Variants in ADA2 observed in about 807,000 individuals in gnomAD.
ADA2 encodes adenosine deaminase 2.
ADA2 carries 29 observed loss-of-function variants against 44.2 expected under a neutral mutation model. That is an observed-to-expected ratio of 0.66 (90% confidence interval 0.49 to 0.89). ADA2 has a LOEUF of 0.89. Ranked by LOEUF, ADA2 falls within the 40% of genes least tolerant of loss-of-function variation. ADA2 has a pLI of 0.00. For missense variants in ADA2, 637 were observed against 644.8 expected, an observed-to-expected ratio of 0.99 and a Z score of 0.13; for synonymous variants, 215 against 234.9, an observed-to-expected ratio of 0.92 and a Z score of 0.77.
In ADA2 at chr22:17,207,102, G is replaced by A. The variant is rs115986203; in HGVS notation, c.511C>T (p.Arg171Trp). 8.5e-4 allele frequency: 1,374 copies of A among 1,614,156 alleles called. 14 individuals are homozygous for A. The African/African-American group carries it at 0.016, about 19-fold the overall frequency. Residue 171 changes from arginine to tryptophan, a missense_variant, in exon 3 of 10, where the codon CGG becomes TGG. Coordinates refer to ENST00000399837, the MANE Select transcript of ADA2 (RefSeq NM_001282225.2). ...KWILLEDYRK[R>W]VQNVTEFDDS... ...TCAAACTCAGTGACGTTCTGCACCC[G>A]CTTCCGATAATCCTCCAGCAGAATC...
intron 4 of ADA2, among the ~76,000 whole-genome samples, chr22:17,201,341 T>C (rs2062284852): frequency 6.6e-6 from 1 of 152,214 alleles, no homozygotes; most frequent in South Asian, 2.1e-4. Flanking sequence ...TCAGTGTGTA[T>C]TGATCCTGCG....
intron 3 of ADA2, among the ~76,000 whole-genome samples, chr22:17,204,807 T>C (rs1335387425): frequency 6.6e-6 from 1 of 150,750 alleles, no homozygotes; most frequent in African/African-American, 2.4e-5. Flanking sequence ...TTTTTTTTTT[T>C]TTTTTGAAAC....
intron 1 of ADA2, among the ~76,000 whole-genome samples, chr22:17,211,589 C>T (rs185599334): frequency 2.4e-4 from 36 of 151,902 alleles, no homozygotes; most frequent in Non-Finnish European, 4.0e-4. Context: ...GCCAAAATTG[C>T]GCCACTGCAA....
chr22:17,206,277 T>G (rs2062352627), intron 3 of ADA2, among the ~76,000 whole-genome samples: 1 of 152,050 alleles, frequency 6.6e-6, no homozygotes, highest in Admixed American at 6.6e-5. Flanking sequence ...GCCAACATGG[T>G]GAAACCCTGT....
chr22:17,194,511 G>A (rs1418209588), intron 4 of ADA2, among the ~76,000 whole-genome samples: 1 of 152,166 alleles, frequency 6.6e-6, no homozygotes, highest in Non-Finnish European at 1.5e-5. Context: ...CCCGCTGCCT[G>A]GGCAGGCGCA....
intron 4 of ADA2, among the ~76,000 whole-genome samples, chr22:17,192,385 C>A (rs147139919): frequency 6.6e-6 from 1 of 152,260 alleles, no homozygotes; most frequent in African/African-American, 2.4e-5. Context: ...TGACGTCATT[C>A]CCCACTACCT....
chr22:17,189,723 C>T (rs1401877347), intron 6 of ADA2: 1 of 515,450 alleles, frequency 1.9e-6, no homozygotes, highest in Non-Finnish European at 3.5e-6. Flanking sequence ...GCTGTCTGCT[C>T]TCCCTTCTCC....
In ADA2 at chr22:17,183,300, G is replaced by GT. The variant is rs111687676; in HGVS notation, c.1082-540dup. Among the ~76,000 whole-genome samples, 308 of 152,056 alleles carry GT rather than the reference G, an allele frequency of 2.0e-3. 2 individuals are homozygous for GT. The highest frequency in any genetic ancestry group is 7.1e-3 in the African/African-American group (293 of 41,466). On this transcript the variant is annotated intron_variant, in intron 7 of 9. Transcript: ENST00000399837. ...GGGTTTCACCATGTTGGCCAGGATG[G>GT]TCTTGATTTCTTGACCTCGTGATCC...
rs184851563 is a variant in ADA2, at chr22:17,205,418, A to G, written c.543-1645T>C. Among the ~76,000 whole-genome samples the G allele has an allele frequency of 4.7e-4, 71 of 152,204 alleles. 2 individuals carry two copies. The highest frequency in any genetic ancestry group is 1.7e-3 in the African/African-American group (70 of 41,534). On this transcript the variant is annotated intron_variant, in intron 3 of 9. Transcript: ENST00000399837. Reference sequence around the variant, plus strand: ...CATGACCCAGTGTGCCCGGCTTGAGAAAATCAGTTCCTATTGTTTAAGCTC... The same window carrying G: ...CATGACCCAGTGTGCCCGGCTTGAGGAAATCAGTTCCTATTGTTTAAGCTC...
Position 17,200,754 on chromosome 22 carries a change from C to T in ADA2, c.753+2809G>A, listed in dbSNP as rs564171178. ...AAAATTAGCTGGGTGTGGTGGTGCA[C>T]GCCTGTAATCCCAGCTATTCCAGAG... On this transcript the variant is annotated intron_variant, in intron 4 of 9. Transcript: ENST00000399837. 5.9e-5 allele frequency among the ~76,000 whole-genome samples: 9 copies of T among 151,894 alleles called. No individual in the cohort carries two copies. In the South Asian group the frequency reaches 8.3e-4, roughly 14 times the overall value.
rs9606653 is a variant in ADA2, at chr22:17,216,797, T to G, written c.-47+2559A>C. On this transcript the variant is annotated intron_variant, in intron 1 of 9. Coordinates refer to ENST00000399837, the MANE Select transcript of ADA2 (RefSeq NM_001282225.2). ...ACACACACACACACACACATATATATAGAGAGAGAGACTCAAATAAAATGG... is the reference window on the plus strand; with the variant it reads ...ACACACACACACACACACATATATAGAGAGAGAGAGACTCAAATAAAATGG... 9.5e-4 allele frequency among the ~76,000 whole-genome samples: 140 copies of G among 147,222 alleles called. 1 individual carries two copies. In the Middle Eastern group the frequency reaches 0.01, roughly 11 times the overall value.
intron 4 of ADA2, 151 bp from the exon 5 acceptor site, chr22:17,191,961 A>C (rs2123652908): frequency 3.3e-6 from 2 of 608,212 alleles, no homozygotes; most frequent in East Asian, 3.3e-5. Context: ...TTGCCCAGCC[A>C]CCCCTGCCCA....
intron 1 of ADA2, chr22:17,214,134 TC>T: frequency 1.4e-6 from 1 of 734,700 alleles, no homozygotes; most frequent in Non-Finnish European, 2.4e-6. Context: ...AGCATTACAT[TC>T]CCAGAGTCAG....
intron 3 of ADA2, among the ~76,000 whole-genome samples, chr22:17,205,536 C>T (rs2123705135): frequency 6.6e-6 from 1 of 152,280 alleles, no homozygotes; most frequent in African/African-American, 2.4e-5. Context: ...GTTTGTATCC[C>T]CAACTGGCCA....
At chr22:17,181,603 A>G in intron 9 of ADA2, 27 bp from the exon 10 acceptor site, 1 of 1,512,998 alleles carries the variant, frequency 6.6e-7, no homozygotes, top group Non-Finnish European at 9.2e-7. Context: ...AGCCCAGGTC[A>G]GCCTCAGGGC....
At chr22:17,205,357 T>C (rs2062342732) in intron 3 of ADA2, among the ~76,000 whole-genome samples, 1 of 152,030 alleles carries the variant, frequency 6.6e-6, no homozygotes, top group Admixed American at 6.6e-5. Flanking sequence ...CAAGTGATCC[T>C]CCCACCTCAG....
In ADA2 at chr22:17,181,403, T is replaced by G; in HGVS notation, c.*80A>C. The G allele has an allele frequency of 2.1e-6, 2 of 957,396 alleles. No individual in the cohort carries two copies. The highest frequency in any genetic ancestry group is 3.4e-6 in the Non-Finnish European group (2 of 584,016). The allele number at this position is 957,396 out of a possible 1,614,324, so 59.3% of individuals were successfully genotyped here. A position where few individuals can be genotyped will look rare whatever the true frequency, so the allele number is the denominator to read the frequency against. On this transcript the variant is annotated 3_prime_UTR_variant, in exon 10 of 10. Coordinates refer to ENST00000399837, the MANE Select transcript of ADA2 (RefSeq NM_001282225.2). Reference sequence around the variant, plus strand: ...AGAGGCCATTGATTTCATGGGCACATGGAGCTGATTCAAGAACGAGTGAGA... The same window carrying G: ...AGAGGCCATTGATTTCATGGGCACAGGGAGCTGATTCAAGAACGAGTGAGA...
rs762688846 is a variant in ADA2, at chr22:17,207,306, G to A, written c.323-16C>T. 2.9e-5 allele frequency: 45 copies of A among 1,578,718 alleles called. No homozygotes were observed. The South Asian group carries it at 4.7e-4, about 16-fold the overall frequency. On this transcript the variant is annotated splice_polypyrimidine_tract_variant and intron_variant, in intron 2 of 9. Transcript: ENST00000399837. ...AAGGCAGCCCCTGGAGAGGGAAGAA[G>A]AATGGTGAAGACAAAGGGGTGAAGT... is the stretch of plus-strand genomic sequence containing the variant.
At chr22:17,208,982 A>AC (rs2062387537) in intron 2 of ADA2, among the ~76,000 whole-genome samples, 1 of 151,320 alleles carries the variant, frequency 6.6e-6, no homozygotes, top group African/African-American at 2.4e-5. Flanking sequence ...GTGCACCACC[A>AC]CCCCTGGCTA....
Sources: gnomAD v4.1 joint callset for allele counts (sites outside exome capture counted in the v4.1 genomes callset) on GRCh38, gnomAD v4.1.1 for gene constraint, MANE v1.5 for transcripts, NCBI Gene and HGNC (gene_info 2026-07-23, HGNC 2026-07-21) for gene names.